The following MTMR3 variants were observed in gnomAD, a reference collection of about 807,000 sequenced individuals.
MTMR3 encodes myotubularin related protein 3, also known as phosphatidylinositol-3,5-bisphosphate 3-phosphatase MTMR3.
In MTMR3, 32 loss-of-function variants were observed where a neutral mutation model predicts 132.4. The ratio of observed to expected loss-of-function variants is 0.24; its 90% CI spans 0.18 to 0.32. The LOEUF is 0.32. MTMR3 is among the 10% of genes least tolerant of loss of function. The pLI, the probability that MTMR3 is intolerant of heterozygous loss-of-function variation, is 1.00. For missense variants in MTMR3, 1,216 were observed against 1,489.6 expected, an observed-to-expected ratio of 0.82 and a Z score of 3.02; for synonymous variants, 556 against 550.3, an observed-to-expected ratio of 1.01 and a Z score of -0.14.
rs1431255028 is a variant in MTMR3 at position 30,030,547 on chromosome 22, TCTC to T, written c.*4749_*4751del. 4 of 150,540 alleles carry T rather than the reference TCTC, an allele frequency of 2.7e-5. No homozygotes were observed. The highest frequency in any genetic ancestry group is 6.7e-5 in the Admixed American group (1 of 14,852). The allele number at this position is 150,540 out of a possible 1,614,324, so 9.3% of individuals were successfully genotyped here. On this transcript the variant is annotated 3_prime_UTR_variant, in exon 20 of 20. Coordinates refer to ENST00000401950, the MANE Select transcript of MTMR3 (RefSeq NM_021090.4). ...CCTGGATTTGGGTTGTCACTGTGGTTCTCCTGCCAGTGCTATAATCCAGTGTCG... is the reference window on the plus strand; with the variant it reads ...CCTGGATTTGGGTTGTCACTGTGGTTCTGCCAGTGCTATAATCCAGTGTCG...
chr22:29,920,213 C>A (rs1433970642), intron 1 of MTMR3, among the ~76,000 whole-genome samples: 193 of 131,900 alleles, frequency 1.5e-3, no homozygotes, highest in East Asian at 2.7e-3. Context: ...GACTCTGTCT[C>A]AAAAAAAAAA....
chr22:29,908,313 G>A (rs902165744), intron 1 of MTMR3, among the ~76,000 whole-genome samples: 2 of 152,198 alleles, frequency 1.3e-5, no homozygotes, highest in African/African-American at 2.4e-5. Context: ...CAAGTATCGT[G>A]TTCATGTCAG....
intron 7 of MTMR3, chr22:29,993,328 T>TG (rs1252773643): frequency 6.6e-6 from 1 of 152,220 alleles, no homozygotes; most frequent in Admixed American, 6.5e-5. Flanking sequence ...CTTTTCAAAT[T>TG]TGGGGGTTTT....
intron 1 of MTMR3, among the ~76,000 whole-genome samples, chr22:29,942,325 T>C (rs2065872112): frequency 6.6e-6 from 1 of 152,072 alleles, no homozygotes; most frequent in Non-Finnish European, 1.5e-5. Context: ...GTCACAGAGA[T>C]CACATGCTTC....
chr22:29,905,100 A>G (rs1207067412), intron 1 of MTMR3, among the ~76,000 whole-genome samples: 5 of 152,138 alleles, frequency 3.3e-5, no homozygotes. Context: ...TTTAGTGGTT[A>G]TACAGAGAAC....
intron 1 of MTMR3, among the ~76,000 whole-genome samples, chr22:29,912,791 G>C (rs4823063): frequency 0.21 from 31,497 of 152,096 alleles, 3,813 homozygotes; most frequent in Middle Eastern, 0.38. Flanking sequence ...AAATAAACTT[G>C]ACCATTGGCC....
At chr22:30,016,486 C>A in intron 14 of MTMR3, 42 bp from the exon 15 acceptor site, 1 of 1,599,640 alleles carries the variant, frequency 6.3e-7, no homozygotes, top group Non-Finnish European at 8.5e-7. Context: ...TCAGAGTGTG[C>A]ATGCCTGATT....
chr22:29,951,641 T>G (rs1035042122), intron 1 of MTMR3, among the ~76,000 whole-genome samples: 3 of 152,242 alleles, frequency 2.0e-5, no homozygotes, highest in African/African-American at 7.2e-5. Context: ...CATTAATCAC[T>G]AATCTACTGT....
intron 1 of MTMR3, among the ~76,000 whole-genome samples, chr22:29,917,867 T>C (rs983926603): frequency 1.3e-5 from 2 of 152,248 alleles, no homozygotes; most frequent in South Asian, 4.1e-4. Context: ...ATGATATGTA[T>C]GGATAAGTAA....
In MTMR3 at chr22:30,030,647, G is replaced by GGGTGGGGGGGGGT. The variant is rs749927557; in HGVS notation, c.*4847_*4848insGTGGGGGGGGGTG. On this transcript the variant is annotated 3_prime_UTR_variant, in exon 20 of 20. Transcript: ENST00000401950. ...CTCAGCGAGGAGGGGGCGGGGGGGG[G>GGGTGGGGGGGGGT]GTCACTATTTATCTTCCAGAGGCAG... The GGGTGGGGGGGGGT allele has an allele frequency of 1.3e-5, 1 of 76,360 alleles. No individual in the cohort carries two copies. Among genetic ancestry groups the GGGTGGGGGGGGGT allele is most frequent in the Non-Finnish European group, 2.6e-5 (1 of 38,518 alleles). 4.7% of individuals were successfully genotyped at this position (76,360 alleles called of 1,614,324 possible). A position where few individuals can be genotyped will look rare whatever the true frequency, so the allele number is the denominator to read the frequency against.
Position 30,022,649 on chromosome 22 carries a change from A to G in MTMR3, c.3377A>G (p.Tyr1126Cys). ...CCTGACCACCTGGCCGCCCACTGCT[A>G]TGCGTGCGACAGTGCCTTCTGGCTT... ...WLPDHLAAHC[Y>C]ACDSAFWLAS... Residue 1126 changes from tyrosine to cysteine, a missense_variant, in exon 19 of 20, where the codon TAT (tyrosine) becomes TGT (cysteine). By Grantham distance (194) the Tyr-to-Cys change is radical (BLOSUM62 -2). Transcript: ENST00000401950. The G allele has an allele frequency of 6.2e-7, 1 of 1,612,474 alleles. No individual in the cohort carries two copies. Among genetic ancestry groups the G allele is most frequent in the Non-Finnish European group, 8.5e-7 (1 of 1,179,994 alleles).
chr22:29,923,658 T>G (rs1250883315), intron 1 of MTMR3, among the ~76,000 whole-genome samples: 5 of 152,180 alleles, frequency 3.3e-5, no homozygotes, highest in Non-Finnish European at 7.3e-5. Flanking sequence ...CTGGCAGGGT[T>G]TGATTTTTGG....
chr22:30,012,476 A>G lies in MTMR3; in HGVS notation c.1230A>G (p.Leu410=). ...HAVDQDQRPV[L]VHCSDGWDRT... ...TGGATCAGGATCAGCGGCCGGTGCTAGTACACTGCTCAGATGGCTGGGACC... is the reference window on the plus strand; with the variant it reads ...TGGATCAGGATCAGCGGCCGGTGCTGGTACACTGCTCAGATGGCTGGGACC... The change falls in exon 13 of 20, where the codon CTA becomes CTG. Residue 410 remains leucine (L), a synonymous_variant. Transcript: ENST00000401950. 6.2e-7 allele frequency: 1 copy of G among 1,614,152 alleles called. No individual in the cohort carries two copies. The highest frequency in any genetic ancestry group is 8.5e-7 in the Non-Finnish European group (1 of 1,179,998).
chr22:29,939,096 A>G (rs2065806422), intron 1 of MTMR3, among the ~76,000 whole-genome samples: 1 of 152,190 alleles, frequency 6.6e-6, no homozygotes. Flanking sequence ...TGCTGGGATT[A>G]CAGAAGTGAG....
At chr22:29,993,016 C>T (rs376051137) in intron 7 of MTMR3, 7 of 152,288 alleles carry the variant, frequency 4.6e-5, no homozygotes, top group African/African-American at 1.7e-4. Flanking sequence ...GACGACAGAA[C>T]TAGGACTTAA....
intron 1 of MTMR3, among the ~76,000 whole-genome samples, chr22:29,891,852 C>G (rs540291294): frequency 2.0e-5 from 3 of 152,086 alleles, no homozygotes; most frequent in South Asian, 4.2e-4. Context: ...ATCATGAATA[C>G]CTTTAAAATG....
intron 1 of MTMR3, among the ~76,000 whole-genome samples, chr22:29,884,559 T>A (rs1303559158): frequency 7.6e-6 from 1 of 131,194 alleles, no homozygotes; most frequent in Non-Finnish European, 1.5e-5. Flanking sequence ...CACTTTTTTT[T>A]TTTTTTTTTT....
intron 1 of MTMR3, among the ~76,000 whole-genome samples, chr22:29,931,717 A>G (rs2065648263): frequency 6.6e-6 from 1 of 151,974 alleles, no homozygotes; most frequent in Admixed American, 6.6e-5. Flanking sequence ...CTGGCTGCCA[A>G]AGCTATGTTT....
chr22:29,887,229 C>G (rs576881575), intron 1 of MTMR3, among the ~76,000 whole-genome samples: 1 of 152,058 alleles, frequency 6.6e-6, no homozygotes, highest in Non-Finnish European at 1.5e-5. Context: ...GGGTTCAAGC[C>G]TGGGTTGTTA....
Sources: gnomAD v4.1 joint callset for allele counts (sites outside exome capture counted in the v4.1 genomes callset) on GRCh38, gnomAD v4.1.1 for gene constraint, MANE v1.5 for transcripts, NCBI Gene and HGNC (gene_info 2026-07-23, HGNC 2026-07-21) for gene names.